The following SLC5A11 variants were observed in gnomAD, a reference collection of about 807,000 sequenced individuals.
SLC5A11 encodes the protein solute carrier family 5 member 11, also known as sodium/myo-inositol cotransporter 2.
In SLC5A11, 48 loss-of-function variants were observed where a neutral mutation model predicts 69.8. The ratio of observed to expected loss-of-function variants is 0.69; its 90% CI spans 0.55 to 0.87. SLC5A11 has a LOEUF of 0.87. Among genes scored for constraint, SLC5A11 ranks in the 40% least tolerant of loss-of-function variants. The pLI, the probability that SLC5A11 is intolerant of heterozygous loss-of-function variation, is 0.00. For synonymous variants in SLC5A11, 319 were observed against 342.4 expected, an observed-to-expected ratio of 0.93 and a Z score of 0.75; for missense variants, 784 against 866.1, an observed-to-expected ratio of 0.91 and a Z score of 1.19.
chr16:24,866,750 A>G (rs1295934029), intron 3 of SLC5A11, among the ~76,000 whole-genome samples: 2 of 152,148 alleles, frequency 1.3e-5, no homozygotes, highest in Non-Finnish European at 2.9e-5. Context: ...ACCAGACAAA[A>G]TAGACTTTAA....
chr16:24,847,397 G>T (rs57845603), intron 1 of SLC5A11, among the ~76,000 whole-genome samples: 1 of 143,800 alleles, frequency 7.0e-6, no homozygotes, highest in Non-Finnish European at 1.5e-5. Flanking sequence ...CTCTCTCTCT[G>T]TGTGTGTTTT....
At position 24,890,964 on chromosome 16, in the gene SLC5A11, C is replaced by G. The variant is rs374864110; in HGVS notation, c.760C>G (p.Arg254Gly). ...TGAGAACAGCAGCTGCGGGCTGCCC[C>G]GGGAAGATGCCTTCCATATTTTCCG... is the stretch of plus-strand genomic sequence containing the variant. The change falls in exon 9 of 16, where the codon CGG (arginine) becomes GGG (glycine). Residue 254 changes from arginine (R) to glycine (G), a missense_variant. Physicochemically the swap from Arg to Gly is moderately radical, Grantham distance 125. Coordinates refer to ENST00000347898, the Ensembl canonical transcript of SLC5A11. The G allele has an allele frequency of 5.0e-6, 8 of 1,614,026 alleles. No homozygotes were observed. The African/African-American group carries it at 8.0e-5, about 16-fold the overall frequency.
chr16:24,853,387 A>T (rs2059396279), intron 1 of SLC5A11, among the ~76,000 whole-genome samples: 1 of 152,212 alleles, frequency 6.6e-6, no homozygotes, highest in African/African-American at 2.4e-5. Flanking sequence ...CACAAGACCT[A>T]ACACAGAGCT....
intron 3 of SLC5A11, among the ~76,000 whole-genome samples, chr16:24,868,504 C>T (rs1323219894): frequency 6.7e-6 from 1 of 148,318 alleles, no homozygotes; most frequent in Non-Finnish European, 1.5e-5. Context: ...GAGGCTGAGG[C>T]AGGAGAATGG....
At chr16:24,875,803 G>T in intron 6 of SLC5A11, 72 bp downstream of exon 7, 1 of 1,231,876 alleles carries the variant, frequency 8.1e-7, no homozygotes, top group South Asian at 1.3e-5. Context: ...CATTGCTCAG[G>T]AGTGTCTCCT....
At chr16:24,867,993 T>C (rs866156411) in intron 3 of SLC5A11, among the ~76,000 whole-genome samples, 24 of 151,386 alleles carry the variant, frequency 1.6e-4, no homozygotes, top group African/African-American at 5.6e-4. Context: ...AAAAATTAGC[T>C]GGTTGTGGTG....
At chr16:24,883,107 G>A (rs561436381) in intron 7 of SLC5A11, among the ~76,000 whole-genome samples, 6 of 152,302 alleles carry the variant, frequency 3.9e-5, no homozygotes, top group South Asian at 2.1e-4. Flanking sequence ...GCTTACACCC[G>A]TAATCCCAGC....
chr16:24,852,661 G>T (rs1424814903), intron 1 of SLC5A11, among the ~76,000 whole-genome samples: 1 of 152,176 alleles, frequency 6.6e-6, no homozygotes, highest in African/African-American at 2.4e-5. Context: ...TTCACCGAGT[G>T]GGCCCAGGTA....
chr16:24,865,953 A>G (rs1274621919), intron 3 of SLC5A11, among the ~76,000 whole-genome samples: 1 of 151,792 alleles, frequency 6.6e-6, no homozygotes, highest in Non-Finnish European at 1.5e-5. Flanking sequence ...ATAGCATAAA[A>G]GGTAAGTAGC....
intron 3 of SLC5A11, among the ~76,000 whole-genome samples, chr16:24,867,428 A>C (rs1298762730): frequency 3.9e-5 from 6 of 152,188 alleles, no homozygotes; most frequent in African/African-American, 1.4e-4. Context: ...AAAGATGTCA[A>C]ACCAATTACC....
chr16:24,849,541 T>A (rs2059169914), intron 1 of SLC5A11, among the ~76,000 whole-genome samples: 1 of 125,570 alleles, frequency 8.0e-6, no homozygotes, highest in Non-Finnish European at 1.6e-5. Flanking sequence ...CACTCCAGCC[T>A]GGGTAACAGA....
In SLC5A11 at chr16:24,890,742, C is replaced by G. The variant is rs187458532; in HGVS notation, c.665-127C>G. On this transcript the variant is annotated intron_variant, in intron 8 of 15. Transcript: ENST00000347898. ...AAAATGTGGGGAGGAGGTTAAGAAC[C>G]CTTAAGGGGATTAACATTTTTGGTG... 7.1e-6 allele frequency: 6 copies of G among 842,202 alleles called. 1 individual carries two copies. Among genetic ancestry groups the G allele is most frequent in the Non-Finnish European group, 6.0e-6 (3 of 501,092 alleles). The allele number at this position is 842,202 out of a possible 1,614,324, so 52.2% of individuals were successfully genotyped here. A position where few individuals can be genotyped will look rare whatever the true frequency, so the allele number is the denominator to read the frequency against.
intron 1 of SLC5A11, among the ~76,000 whole-genome samples, chr16:24,852,276 C>T (rs2059347384): frequency 6.6e-6 from 1 of 152,160 alleles, no homozygotes; most frequent in African/African-American, 2.4e-5. Flanking sequence ...CACCTGTGAC[C>T]TGGGAACCTC....
chr16:24,851,433 G>A (rs1254010130), intron 1 of SLC5A11, among the ~76,000 whole-genome samples: 1 of 152,174 alleles, frequency 6.6e-6, no homozygotes, highest in Non-Finnish European at 1.5e-5. Flanking sequence ...GGCTGAGGCA[G>A]GCGAATCGCT....
In SLC5A11 at chr16:24,905,383, C is replaced by T. The variant is rs1460360456; in HGVS notation, c.1007-1274C>T. On this transcript the variant is annotated intron_variant, in intron 10 of 15. Transcript: ENST00000347898. The stretch of plus-strand genomic sequence containing the variant: ...CGCTTGAACCTGGAAGAGGAAGTTG[C>T]AGTGAGCCGAGATTGTGCCACGCAC... Among the ~76,000 whole-genome samples, 4 of 150,978 alleles carry T rather than the reference C, an allele frequency of 2.6e-5. No individual in the cohort carries two copies. In the East Asian group the frequency reaches 7.8e-4, roughly 29 times the overall value.
chr16:24,866,546 A>G (rs2046927830), intron 3 of SLC5A11, among the ~76,000 whole-genome samples: 1 of 151,656 alleles, frequency 6.6e-6, no homozygotes, highest in African/African-American at 2.4e-5. Flanking sequence ...ACCACTGCAC[A>G]GCAGCCTGGG....
In SLC5A11 at chr16:24,858,077, T is replaced by C. The variant is rs537472868; in HGVS notation, c.-24-543T>C. 1.1e-4 allele frequency among the ~76,000 whole-genome samples: 16 copies of C among 152,352 alleles called. No homozygotes were observed. The South Asian group carries it at 2.1e-3, about 20-fold the overall frequency. ...TTCACCATCTGTAAAATGGGGATGA[T>C]AACAATAGTGCCCACTTTGCAGGTT... On this transcript the variant is annotated intron_variant, in intron 1 of 15. Transcript: ENST00000347898.
At chr16:24,860,421 G>A (rs372109054) in intron 2 of SLC5A11, among the ~76,000 whole-genome samples, 53 of 152,196 alleles carry the variant, frequency 3.5e-4, no homozygotes, top group East Asian at 1.2e-3. Flanking sequence ...GTGCCATTGC[G>A]CTCCAGCTTG....
At chr16:24,866,652 A>T (rs2046938715) in intron 3 of SLC5A11, among the ~76,000 whole-genome samples, 1 of 152,194 alleles carries the variant, frequency 6.6e-6, no homozygotes, top group Non-Finnish European at 1.5e-5. Context: ...CAAACACAAT[A>T]TATTTCAAAT....
Sources: allele counts gnomAD v4.1 joint callset (sites outside exome capture counted in the v4.1 genomes callset), GRCh38; gene constraint gnomAD v4.1.1; transcripts MANE v1.5; gene names NCBI Gene and HGNC (gene_info 2026-07-23, HGNC 2026-07-21).